TBC1D22A: variants seen among roughly 807,000 people sequenced by gnomAD.
TBC1D22A encodes putative GTPase activator.
Under a neutral mutation model 60.2 loss-of-function variants are expected in TBC1D22A, and 38 were observed. The observed-to-expected ratio is 0.63, with a 90% CI of 0.49 to 0.83. TBC1D22A has a LOEUF of 0.83. TBC1D22A is among the 40% of genes least tolerant of loss of function. The pLI is 0.00. For missense variants in TBC1D22A, 628 were observed against 701.0 expected, an observed-to-expected ratio of 0.90 and a Z score of 1.18; for synonymous variants, 302 against 281.7, an observed-to-expected ratio of 1.07 and a Z score of -0.72.
chr22:47,098,735 G>T (rs1218055183), intron 11 of TBC1D22A, among the ~76,000 whole-genome samples: 1 of 152,246 alleles, frequency 6.6e-6, no homozygotes, highest in Non-Finnish European at 1.5e-5. Context: ...GGGTCTGGAG[G>T]TTCCTCCCTG....
At chr22:46,801,684 A>T (rs2084903433) in intron 4 of TBC1D22A, among the ~76,000 whole-genome samples, 1 of 152,216 alleles carries the variant, frequency 6.6e-6, no homozygotes, top group African/African-American at 2.4e-5. Flanking sequence ...GGGGCCTCGG[A>T]GGGCAAACTG....
At chr22:46,922,207 T>A (rs1327525074) in intron 8 of TBC1D22A, among the ~76,000 whole-genome samples, 1 of 152,220 alleles carries the variant, frequency 6.6e-6, no homozygotes, top group Admixed American at 6.5e-5. Flanking sequence ...ATGTGTGGCT[T>A]TATTTCTGGG....
In TBC1D22A at chr22:47,022,911, CAA is replaced by C. The variant is rs574383092; in HGVS notation, c.1202-14158_1202-14157del. Among the ~76,000 whole-genome samples, 767 of 152,226 alleles carry C rather than the reference CAA, an allele frequency of 5.0e-3. 6 individuals are homozygous for C. Among genetic ancestry groups the C allele is most frequent in the African/African-American group, 0.018 (728 of 41,528 alleles). ...ACTTAATTGCATCCCAGCAAAAATT[CAA>C]AGATATTTATAGGAATAAAAAAATA... On this transcript the variant is annotated intron_variant, in intron 10 of 12. Transcript: ENST00000337137.
chr22:46,894,707 T>C (rs2068579991), intron 6 of TBC1D22A, 77 bp from the exon 7 acceptor site: 3 of 1,551,876 alleles, frequency 1.9e-6, no homozygotes, highest in Non-Finnish European at 2.7e-6. Flanking sequence ...TACCTCAGTA[T>C]TGCTGTTTTA....
At chr22:46,927,824 C>G (rs550851342) in intron 8 of TBC1D22A, among the ~76,000 whole-genome samples, 1 of 152,258 alleles carries the variant, frequency 6.6e-6, no homozygotes, top group African/African-American at 2.4e-5. Flanking sequence ...GGAAAATCCA[C>G]TTACATCAGA....
intron 11 of TBC1D22A, among the ~76,000 whole-genome samples, chr22:47,048,808 A>G (rs997453456): frequency 3.9e-5 from 6 of 152,072 alleles, no homozygotes; most frequent in African/African-American, 1.2e-4. Context: ...ATCAGGAGCA[A>G]TGTAGGGGTG....
At chr22:46,972,869 T>G (rs2074127699) in intron 8 of TBC1D22A, among the ~76,000 whole-genome samples, 1 of 151,458 alleles carries the variant, frequency 6.6e-6, no homozygotes, top group African/African-American at 2.4e-5. Context: ...GAGAGAGGAG[T>G]GATGTGCGAA....
chr22:47,016,757 T>C (rs773334149), intron 10 of TBC1D22A, among the ~76,000 whole-genome samples: 1 of 152,214 alleles, frequency 6.6e-6, no homozygotes, highest in Non-Finnish European at 1.5e-5. Flanking sequence ...ACAGCCGTAT[T>C]CGTTTCAGAA....
At chr22:46,895,132 C>T (rs1236518813) in intron 7 of TBC1D22A, among the ~76,000 whole-genome samples, 1 of 152,144 alleles carries the variant, frequency 6.6e-6, no homozygotes, top group Admixed American at 6.5e-5. Context: ...ACAGAACCCC[C>T]CAGTGCTGCC....
intron 1 of TBC1D22A, among the ~76,000 whole-genome samples, chr22:46,782,500 C>T (rs565531117): frequency 1.3e-5 from 2 of 152,196 alleles, no homozygotes; most frequent in Non-Finnish European, 2.9e-5. Flanking sequence ...GGAGATACCA[C>T]GTACATACCA....
At chr22:47,017,957 C>G (rs1421587741) in intron 10 of TBC1D22A, among the ~76,000 whole-genome samples, 1 of 152,232 alleles carries the variant, frequency 6.6e-6, no homozygotes, top group African/African-American at 2.4e-5. Context: ...TTCCTGCATG[C>G]TGCCTGTGGA....
At chr22:46,820,594 G>C (rs1161833812) in intron 4 of TBC1D22A, among the ~76,000 whole-genome samples, 2 of 152,212 alleles carry the variant, frequency 1.3e-5, no homozygotes, top group African/African-American at 4.8e-5. Flanking sequence ...TGTGGTCTGA[G>C]AGACTGCTAT....
At chr22:46,825,229 TC>T (rs532999444) in intron 4 of TBC1D22A, among the ~76,000 whole-genome samples, 248 of 152,132 alleles carry the variant, frequency 1.6e-3, no homozygotes, top group African/African-American at 5.8e-3. Flanking sequence ...CCAGAGAAAT[TC>T]CTTTTGCCAC....
chr22:47,089,421 G>A (rs926746779), intron 11 of TBC1D22A, among the ~76,000 whole-genome samples: 2 of 152,368 alleles, frequency 1.3e-5, no homozygotes, highest in African/African-American at 4.8e-5. Flanking sequence ...ATGCAGGGCT[G>A]TCTTTCTACT....
At chr22:46,860,301 C>A (rs1391963341) in intron 4 of TBC1D22A, among the ~76,000 whole-genome samples, 1 of 46,284 alleles carries the variant, frequency 2.2e-5, no homozygotes, top group Non-Finnish European at 3.5e-5. Flanking sequence ...GAATCCTTTT[C>A]CATAGAGGTC....
intron 8 of TBC1D22A, among the ~76,000 whole-genome samples, chr22:46,941,880 T>C (rs192360735): frequency 2.5e-3 from 367 of 147,296 alleles, no homozygotes; most frequent in Non-Finnish European, 3.9e-3. Context: ...GTGTATAGAA[T>C]ATGTATAGAA....
chr22:46,843,601 G>A (rs916903655), intron 4 of TBC1D22A, among the ~76,000 whole-genome samples: 2 of 151,998 alleles, frequency 1.3e-5, no homozygotes, highest in Non-Finnish European at 2.9e-5. Flanking sequence ...GGTATCACGC[G>A]TTCTGTAGAT....
At chr22:47,152,469 C>T (rs738667) in intron 12 of TBC1D22A, among the ~76,000 whole-genome samples, 2 of 152,034 alleles carry the variant, frequency 1.3e-5, no homozygotes, top group African/African-American at 4.8e-5. Flanking sequence ...CAGCTGCTCC[C>T]CGCTTCCATG....
chr22:46,885,198 G>A (rs928912221), intron 5 of TBC1D22A, among the ~76,000 whole-genome samples: 6 of 152,186 alleles, frequency 3.9e-5, no homozygotes, highest in African/African-American at 1.4e-4. Context: ...AATGAATGTT[G>A]TTGTTGTGTG....
Sources: allele counts gnomAD v4.1 joint callset (sites outside exome capture counted in the v4.1 genomes callset), GRCh38; gene constraint gnomAD v4.1.1; transcripts MANE v1.5; gene names NCBI Gene and HGNC (gene_info 2026-07-23, HGNC 2026-07-21).